Variants in TEAD2 observed in about 807,000 individuals in gnomAD.
TEAD2 encodes the protein transcriptional enhancer factor TEF-4.
TEAD2 carries 51 observed loss-of-function variants against 61.4 expected under a neutral mutation model. The ratio of observed to expected loss-of-function variants is 0.83; its 90% CI spans 0.66 to 1.05. The LOEUF (loss-of-function observed/expected upper bound fraction) is 1.05, where lower values mean the gene tolerates loss of function less well. TEAD2 is among the 50% of genes least tolerant of loss of function. The pLI is 0.00. For synonymous variants in TEAD2, 244 were observed against 243.2 expected, an observed-to-expected ratio of 1.00 and a Z score of -0.03; for missense variants, 509 against 600.0, an observed-to-expected ratio of 0.85 and a Z score of 1.58.
chr19:49,353,319 G>A lies in TEAD2; in HGVS notation c.539+1829C>T, dbSNP rs950487343. On this transcript the variant is annotated intron_variant, in intron 7 of 12. Transcript: ENST00000593945. Reference sequence around the variant, plus strand: ...TTACTATGCTGGACAGGCTGGTCTCGAACTCCTGACCTCAAGTGATCTGCC... The same window carrying A: ...TTACTATGCTGGACAGGCTGGTCTCAAACTCCTGACCTCAAGTGATCTGCC... Among the ~76,000 whole-genome samples, 3 of 151,872 alleles carry A rather than the reference G, an allele frequency of 2.0e-5. No individual in the cohort carries two copies. In the East Asian group the frequency reaches 5.8e-4, roughly 29 times the overall value.
At chr19:49,362,103 C>T (rs1484895207) in intron 1 of TEAD2, among the ~76,000 whole-genome samples, 1 of 152,194 alleles carries the variant, frequency 6.6e-6, no homozygotes, top group Non-Finnish European at 1.5e-5. Flanking sequence ...ACGCACGCCC[C>T]ACACCCCGCC....
chr19:49,355,021 G>A lies in TEAD2; in HGVS notation c.539+127C>T, dbSNP rs9710416. 7.6e-5 allele frequency: 48 copies of A among 630,486 alleles called. No homozygotes were observed. The highest frequency in any genetic ancestry group is 2.6e-4 in the Admixed American group (10 of 38,138). The allele number at this position is 630,486 out of a possible 1,614,324, so 39.1% of individuals were successfully genotyped here. Reference sequence around the variant, plus strand: ...CATGTCAATAAATACATACATACATGCATACATACATACATACATACATAC... The same window carrying A: ...CATGTCAATAAATACATACATACATACATACATACATACATACATACATAC... On this transcript the variant is annotated intron_variant, in intron 7 of 12. Transcript: ENST00000593945.
chr19:49,348,661 T>A, intron 9 of TEAD2, 42 bp downstream of exon 9: 2 of 1,536,306 alleles, frequency 1.3e-6, no homozygotes, highest in African/African-American at 1.4e-5. Flanking sequence ...TCACCCTCTA[T>A]ATTTCAAAAT....
At chr19:49,357,546 A>C in intron 3 of TEAD2, 2 of 577,024 alleles carry the variant, frequency 3.5e-6, no homozygotes, top group Non-Finnish European at 3.1e-6. Context: ...CCCCTCCACC[A>C]TGCTCTCTCT....
At chr19:49,357,400 T>C in intron 3 of TEAD2, 86 bp from the exon 4 acceptor site, 1 of 1,358,040 alleles carries the variant, frequency 7.4e-7, no homozygotes, top group South Asian at 1.2e-5. Context: ...GGTGCCTCAC[T>C]GAGCTGCTGG....
intron 8 of TEAD2, among the ~76,000 whole-genome samples, chr19:49,350,222 C>T (rs569898238): frequency 6.6e-6 from 1 of 152,310 alleles, no homozygotes; most frequent in Admixed American, 6.5e-5. Flanking sequence ...GATGCCATCA[C>T]TTGAGCCGCT....
intron 1 of TEAD2, chr19:49,360,352 T>C: frequency 2.1e-6 from 1 of 475,396 alleles, no homozygotes; most frequent in Non-Finnish European, 3.7e-6. Flanking sequence ...CTCCTGGGTC[T>C]GAGGGAGCGG....
intron 10 of TEAD2, among the ~76,000 whole-genome samples, chr19:49,343,885 C>T (rs1424209599): frequency 6.7e-6 from 1 of 149,228 alleles, no homozygotes; most frequent in Non-Finnish European, 1.5e-5. Flanking sequence ...CTTGCTCCGT[C>T]ACCCAGGCAA....
rs762385156 is a variant in TEAD2 at position 49,341,501 on chromosome 19, C to G, written c.1243-64G>C. The stretch of plus-strand genomic sequence containing the variant: ...GGGAGGGCAGGGACCCCTGTGCCCC[C>G]CTGCCAAGCTATCATGGAATACCCA... On this transcript the variant is annotated intron_variant, in intron 12 of 12. Transcript: ENST00000593945. The surrounding 1 kb of genome is among the most constrained non-coding windows in gnomAD (Gnocchi z 4.2). The G allele has an allele frequency of 7.4e-7, 1 of 1,345,498 alleles. No individual in the cohort carries two copies. The highest frequency in any genetic ancestry group is 1.1e-6 in the Non-Finnish European group (1 of 944,658). The allele number at this position is 1,345,498 out of a possible 1,614,324, so 83.3% of individuals were successfully genotyped here. A position where few individuals can be genotyped will look rare whatever the true frequency, so the allele number is the denominator to read the frequency against.
intron 9 of TEAD2, 45 bp from the exon 10 acceptor site, chr19:49,347,408 T>C (rs1971725183): frequency 6.3e-7 from 1 of 1,588,820 alleles, no homozygotes; most frequent in African/African-American, 1.3e-5. Context: ...GTGAGCTGGA[T>C]CTCCAGCCTG....
intron 10 of TEAD2, among the ~76,000 whole-genome samples, chr19:49,346,638 C>G (rs1971661212): frequency 6.6e-6 from 1 of 152,128 alleles, no homozygotes; most frequent in Admixed American, 6.5e-5. Context: ...GCCTGGGTGA[C>G]AGTGAGACTA....
At position 49,342,545 on chromosome 19, in the gene TEAD2, G is replaced by T; in HGVS notation, c.1135C>A (p.Leu379Met). ...LEDGRFVYRL[L>M]RSPMCEYLVN... ...AGGTACTCGCACATGGGCGAGCGCA[G>T]CAGGCGGTACACAAATCTGCCGTCC... Residue 379 changes from leucine to methionine, a missense_variant, in exon 12 of 13, where the codon CTG (leucine) becomes ATG (methionine). Coordinates refer to ENST00000593945, the MANE Select transcript of TEAD2 (RefSeq NM_001256660.2). 1 of 1,614,082 alleles carries T rather than the reference G, an allele frequency of 6.2e-7. No homozygotes were observed. The highest frequency in any genetic ancestry group is 8.5e-7 in the Non-Finnish European group (1 of 1,179,958).
chr19:49,346,586 G>A (rs1246746678), intron 10 of TEAD2, among the ~76,000 whole-genome samples: 2 of 152,294 alleles, frequency 1.3e-5, no homozygotes, highest in Non-Finnish European at 2.9e-5. Context: ...GAATCCAGGA[G>A]GCGGAGGTTG....
chr19:49,341,440 G>A lies in TEAD2; in HGVS notation c.1243-3C>T, dbSNP rs1312533610. ...TGGGTGTCTCTGTTTGTCACCACCT[G>A]CCAGGAAGGCCAGGACAAGGGACTT... is the stretch of plus-strand genomic sequence containing the variant. On this transcript the variant is annotated splice_polypyrimidine_tract_variant and splice_region_variant and intron_variant, in intron 12 of 12. Transcript: ENST00000593945. The surrounding 1 kb of genome is among the most constrained non-coding windows in gnomAD (Gnocchi z 4.2). 6.2e-7 allele frequency: 1 copy of A among 1,612,148 alleles called. No individual in the cohort carries two copies. Among genetic ancestry groups the A allele is most frequent in the East Asian group, 2.2e-5 (1 of 44,846 alleles).
chr19:49,348,390 T>C (rs1168069456), intron 9 of TEAD2, among the ~76,000 whole-genome samples: 1 of 152,192 alleles, frequency 6.6e-6, no homozygotes, highest in Non-Finnish European at 1.5e-5. Context: ...GATAAATGAA[T>C]GAATGATGTC....
At position 49,341,391 on chromosome 19, in the gene TEAD2, T is replaced by C. The variant is rs1297710291; in HGVS notation, c.1289A>G (p.Tyr430Cys). The change falls in exon 13 of 13, where the codon TAT becomes TGT. Residue 430 changes from tyrosine to cysteine, a missense_variant. Transcript: ENST00000593945. This position sits in a 1 kb window ranked among gnomAD's most constrained non-coding sequence, Gnocchi z 4.2. ...DTQELLLCTA[Y>C]VFEVSTSERG... ...CTCGCTGGTGGAGACCTCGAAGACA[T>C]AGGCGGTGCAGAGCAGCAGTTCCTG... is the stretch of plus-strand genomic sequence containing the variant. The C allele has an allele frequency of 6.2e-7, 1 of 1,613,996 alleles. No individual in the cohort carries two copies. The highest frequency in any genetic ancestry group is 8.5e-7 in the Non-Finnish European group (1 of 1,179,938).
chr19:49,356,547 G>T (rs1351463198), intron 4 of TEAD2, among the ~76,000 whole-genome samples: 1 of 152,036 alleles, frequency 6.6e-6, no homozygotes, highest in Admixed American at 6.6e-5. Flanking sequence ...TCTCCACCAG[G>T]AAATGAAGAT....
chr19:49,359,632 T>C lies in TEAD2; in HGVS notation c.233-133A>G. On this transcript the variant is annotated intron_variant, in intron 2 of 12. Transcript: ENST00000593945. The surrounding 1 kb of genome is among the most constrained non-coding windows in gnomAD (Gnocchi z 4.1). ...CAAGTGGGCTGCCGGTCCCCTCAGC[T>C]ACGTGGAAGCCAGACTGCTTGGGTT... 8.8e-7 allele frequency: 1 copy of C among 1,142,308 alleles called. No homozygotes were observed. The highest frequency in any genetic ancestry group is 1.9e-5 in the Admixed American group (1 of 52,766). The allele number at this position is 1,142,308 out of a possible 1,614,324, so 70.8% of individuals were successfully genotyped here.
intron 1 of TEAD2, among the ~76,000 whole-genome samples, chr19:49,361,023 C>A (rs1972851759): frequency 2.2e-5 from 1 of 44,644 alleles, no homozygotes; most frequent in Non-Finnish European, 3.7e-5. Flanking sequence ...GGGACAGAGA[C>A]CAGAGGGAGG....
Sources: gnomAD v4.1 joint callset for allele counts (sites outside exome capture counted in the v4.1 genomes callset) on GRCh38, gnomAD v4.1.1 for gene constraint, Gnocchi (gnomAD v3.1) non-coding constraint, MANE v1.5 for transcripts, NCBI Gene and HGNC (gene_info 2026-07-23, HGNC 2026-07-21) for gene names.